Variants in ABHD12 observed in about 807,000 individuals in gnomAD.
ABHD12 encodes lysophosphatidylserine lipase ABHD12.
ABHD12 carries 43 observed loss-of-function variants against 58.3 expected under a neutral mutation model. The observed-to-expected ratio is 0.74, with a 90% CI of 0.58 to 0.95. The LOEUF (loss-of-function observed/expected upper bound fraction) is 0.95, where lower values mean the gene tolerates loss of function less well. Among genes scored for constraint, ABHD12 ranks in the 40% least tolerant of loss-of-function variants. The pLI is 0.00. For synonymous variants in ABHD12, 219 were observed against 211.2 expected (o/e 1.04, Z -0.32); for missense variants, 539 against 537.2 (o/e 1.00, Z -0.03).
chr20:25,388,072 T>C (rs796857533), intron 1 of ABHD12, among the ~76,000 whole-genome samples: 1,205 of 106,392 alleles, frequency 0.011, 16 homozygotes, highest in African/African-American at 0.038. Flanking sequence ...CAATCCTTCA[T>C]CCTACAAAAA....
At position 25,379,635 on chromosome 20, in the gene ABHD12, C is replaced by T. The variant is rs113273492; in HGVS notation, c.191+10878G>A. 1.2e-3 allele frequency among the ~76,000 whole-genome samples: 182 copies of T among 152,326 alleles called. 1 individual carries two copies. The highest frequency in any genetic ancestry group is 4.2e-3 in the African/African-American group (174 of 41,560). On this transcript the variant is annotated intron_variant, in intron 1 of 12. Coordinates refer to ENST00000339157, the MANE Select transcript of ABHD12 (RefSeq NM_001042472.3). ...CTCCCCTGGATTATTCCCATGCACACTCCAGACTGCTCTAATATTGCACAA... is the reference window on the plus strand; with the variant it reads ...CTCCCCTGGATTATTCCCATGCACATTCCAGACTGCTCTAATATTGCACAA...
intron 1 of ABHD12, among the ~76,000 whole-genome samples, chr20:25,370,079 G>A (rs894490176): frequency 4.6e-5 from 7 of 152,110 alleles, no homozygotes; most frequent in African/African-American, 7.2e-5. Flanking sequence ...AAACCACTGC[G>A]GGAATTCCTA....
At position 25,305,302 on chromosome 20, in the gene ABHD12, C is replaced by T. The variant is rs574982600; in HGVS notation, c.950+1531G>A. Among the ~76,000 whole-genome samples, 5 of 151,852 alleles carry T rather than the reference C, an allele frequency of 3.3e-5. No homozygotes were observed. In the East Asian group the frequency reaches 5.8e-4, roughly 18 times the overall value. On this transcript the variant is annotated intron_variant, in intron 10 of 12. Coordinates refer to ENST00000339157, the MANE Select transcript of ABHD12 (RefSeq NM_001042472.3). Reference sequence around the variant, plus strand: ...AAAACATACTTGATGGGAAAAAATACTCCATTTTTTTTCATATTCTGTTTC... The same window carrying T: ...AAAACATACTTGATGGGAAAAAATATTCCATTTTTTTTCATATTCTGTTTC...
intron 1 of ABHD12, among the ~76,000 whole-genome samples, chr20:25,353,796 C>T (rs972681420): frequency 1.3e-5 from 2 of 152,216 alleles, no homozygotes; most frequent in African/African-American, 4.8e-5. Flanking sequence ...CCTTGGGACA[C>T]ACTGCTCACT....
chr20:25,349,041 G>A (rs539518067), intron 1 of ABHD12, among the ~76,000 whole-genome samples: 506 of 147,420 alleles, frequency 3.4e-3, no homozygotes, highest in Non-Finnish European at 4.7e-3. Context: ...CCGAGATCGC[G>A]CCACTGCACT....
chr20:25,377,975 C>A lies in ABHD12; in HGVS notation c.191+12538G>T, dbSNP rs542018806. Among the ~76,000 whole-genome samples the A allele has an allele frequency of 2.0e-5, 3 of 152,290 alleles. No individual in the cohort carries two copies. In the East Asian group the frequency reaches 5.8e-4, roughly 29 times the overall value. ...CCTCCCAAAGTGCTGGGATGACAGG[C>A]GTGGGCCACCGCGTCCGGCCAGGTC... On this transcript the variant is annotated intron_variant, in intron 1 of 12. Transcript: ENST00000339157.
At chr20:25,305,017 C>G (rs932368998) in intron 10 of ABHD12, among the ~76,000 whole-genome samples, 1 of 152,106 alleles carries the variant, frequency 6.6e-6, no homozygotes, top group South Asian at 2.1e-4. Context: ...GGATTACAGG[C>G]ATGTGCCACC....
At chr20:25,339,912 C>T (rs1034971267) in intron 1 of ABHD12, among the ~76,000 whole-genome samples, 51 of 152,376 alleles carry the variant, frequency 3.3e-4, no homozygotes, top group South Asian at 8.3e-4. Context: ...TGTACCCACC[C>T]AACAGAGGAC....
intron 3 of ABHD12, among the ~76,000 whole-genome samples, chr20:25,320,837 T>G (rs913776741): frequency 2.0e-5 from 3 of 151,788 alleles, no homozygotes; most frequent in Non-Finnish European, 2.9e-5. Context: ...ATGTCAAGTA[T>G]GCACCACCTT....
intron 2 of ABHD12, among the ~76,000 whole-genome samples, chr20:25,329,760 C>T (rs557658687): frequency 6.6e-6 from 1 of 152,196 alleles, no homozygotes; most frequent in African/African-American, 2.4e-5. Context: ...GGTGTGGTGT[C>T]AAGGGAAAGC....
intron 1 of ABHD12, among the ~76,000 whole-genome samples, chr20:25,389,724 C>T (rs1443507374): frequency 6.6e-6 from 1 of 152,226 alleles, no homozygotes; most frequent in Non-Finnish European, 1.5e-5. Context: ...CGACTCAGGA[C>T]TGCGAGATGA....
At chr20:25,351,825 CAG>C (rs1306520806) in intron 1 of ABHD12, among the ~76,000 whole-genome samples, 10 of 152,004 alleles carry the variant, frequency 6.6e-5, no homozygotes, top group African/African-American at 1.9e-4. Context: ...TGCTTGAACT[CAG>C]GGGGTGGAGG....
In ABHD12 at chr20:25,303,115, C is replaced by CT. The variant is rs570967754; in HGVS notation, c.1029+434dup. 1.3e-4 allele frequency: 84 copies of CT among 643,306 alleles called. No individual in the cohort carries two copies. The African/African-American group carries it at 1.5e-3, about 12-fold the overall frequency. 39.8% of individuals were successfully genotyped at this position (643,306 alleles called of 1,614,324 possible). A position where few individuals can be genotyped will look rare whatever the true frequency, so the allele number is the denominator to read the frequency against. ...GCAAGGAAACAGGCTAGAAGTTTCT[C>CT]TATCAATTTTGACTGTGACCCCTGC... On this transcript the variant is annotated intron_variant, in intron 11 of 12. Transcript: ENST00000339157.
At chr20:25,333,787 C>A (rs900741787) in intron 2 of ABHD12, among the ~76,000 whole-genome samples, 12 of 151,576 alleles carry the variant, frequency 7.9e-5, no homozygotes, top group Non-Finnish European at 1.6e-4. Context: ...TCAATAAATT[C>A]GGTATTGATG....
intron 5 of ABHD12, among the ~76,000 whole-genome samples, chr20:25,316,446 A>G (rs908969764): frequency 6.6e-5 from 10 of 152,180 alleles, no homozygotes; most frequent in African/African-American, 2.4e-4. Flanking sequence ...GGCGTGAGCC[A>G]CCACACCCAG....
At chr20:25,383,082 C>T (rs145504040) in intron 1 of ABHD12, among the ~76,000 whole-genome samples, 25 of 152,210 alleles carry the variant, frequency 1.6e-4, no homozygotes, top group Middle Eastern at 3.4e-3. Context: ...GCTCAGAACT[C>T]GCTCCCATCT....
chr20:25,314,812 A>G, intron 6 of ABHD12, 113 bp downstream of exon 6: 2 of 1,186,052 alleles, frequency 1.7e-6, no homozygotes, highest in Non-Finnish European at 2.5e-6. Flanking sequence ...ATCACAGCAC[A>G]GGCAAAGCAG....
chr20:25,357,517 A>G (rs1321882338), intron 1 of ABHD12, among the ~76,000 whole-genome samples: 1 of 152,218 alleles, frequency 6.6e-6, no homozygotes. Context: ...CCACTTTCTC[A>G]TTAGGTAGAA....
intron 1 of ABHD12, among the ~76,000 whole-genome samples, chr20:25,374,987 A>G (rs527422136): frequency 6.6e-6 from 1 of 152,316 alleles, no homozygotes; most frequent in Admixed American, 6.5e-5. Context: ...ACTTCAGAAT[A>G]TGACTGTATT....
Sources: allele counts gnomAD v4.1 joint callset (sites outside exome capture counted in the v4.1 genomes callset), GRCh38; gene constraint gnomAD v4.1.1; transcripts MANE v1.5; gene names NCBI Gene and HGNC (gene_info 2026-07-23, HGNC 2026-07-21).